Variants in LRRTM4 observed in about 807,000 individuals in gnomAD.
The protein encoded by LRRTM4 is leucine-rich repeat transmembrane neuronal protein 4.
In LRRTM4, 25 loss-of-function variants were observed where a neutral mutation model predicts 47.6. The ratio of observed to expected loss-of-function variants is 0.53; its 90% confidence interval spans 0.38 to 0.73. The LOEUF is 0.73. Ranked by LOEUF, LRRTM4 falls within the 30% of genes least tolerant of loss-of-function variation. The pLI is 0.00. For missense variants in LRRTM4, 638 were observed against 713.4 expected (o/e 0.89, Z 1.20); for synonymous variants, 311 against 269.5 (o/e 1.15, Z -1.51).
chr2:77,244,951 C>G (rs1381320189), intron 3 of LRRTM4, among the ~76,000 whole-genome samples: 1 of 152,102 alleles, frequency 6.6e-6, no homozygotes, highest in African/African-American at 2.4e-5. Context: ...ATGCCCTAGT[C>G]AACACCTTGA....
chr2:76,777,152 G>T lies in LRRTM4; in HGVS notation c.1552-28236C>A, dbSNP rs1389996489. ...TTGGTACCAGTACCATGCTGTTTTGGTTACTGTAGCCTTGCAGTATAGTTT... is the reference window on the plus strand; with the variant it reads ...TTGGTACCAGTACCATGCTGTTTTGTTTACTGTAGCCTTGCAGTATAGTTT... On this transcript the variant is annotated intron_variant, in intron 3 of 3. Coordinates refer to ENST00000409884, the MANE Select transcript of LRRTM4 (RefSeq NM_001134745.3). Among the ~76,000 whole-genome samples the T allele has an allele frequency of 6.7e-5, 10 of 150,300 alleles. 1 individual carries two copies. Among genetic ancestry groups the T allele is most frequent in the Non-Finnish European group, 1.2e-4 (8 of 67,694 alleles).
chr2:76,752,263 CT>C (rs1318470298), intron 3 of LRRTM4, among the ~76,000 whole-genome samples: 2 of 152,052 alleles, frequency 1.3e-5, no homozygotes, highest in South Asian at 2.1e-4. Flanking sequence ...TACTTAAAGC[CT>C]TTTAATTTAA....
intron 3 of LRRTM4, among the ~76,000 whole-genome samples, chr2:77,495,610 G>A (rs11126614): frequency 0.22 from 33,265 of 151,778 alleles, 3,908 homozygotes; most frequent in Middle Eastern, 0.31. Flanking sequence ...TTTGGCATAC[G>A]GATGGCAAAC....
intron 3 of LRRTM4, among the ~76,000 whole-genome samples, chr2:77,011,024 C>T (rs148110698): frequency 6.6e-6 from 1 of 151,872 alleles, no homozygotes; most frequent in Admixed American, 6.6e-5. Context: ...AGGTAATGAC[C>T]AATTTTTGAT....
At chr2:77,195,652 G>A (rs1673799860) in intron 3 of LRRTM4, among the ~76,000 whole-genome samples, 1 of 151,996 alleles carries the variant, frequency 6.6e-6, no homozygotes. Flanking sequence ...ATGAAACCAT[G>A]GCAGTCAAAT....
intron 3 of LRRTM4, among the ~76,000 whole-genome samples, chr2:77,490,055 GC>G (rs1395400290): frequency 6.6e-6 from 1 of 152,134 alleles, no homozygotes; most frequent in Non-Finnish European, 1.5e-5. Context: ...TTTGAGACAA[GC>G]CTGGCCAACA....
At chr2:76,915,615 C>A (rs1044210730) in intron 3 of LRRTM4, among the ~76,000 whole-genome samples, 1 of 152,222 alleles carries the variant, frequency 6.6e-6, no homozygotes, top group Middle Eastern at 3.4e-3. Context: ...TTTACCAAGA[C>A]ACAAAAGAGT....
chr2:77,101,375 CAG>C (rs1275125457), intron 3 of LRRTM4, among the ~76,000 whole-genome samples: 9 of 152,064 alleles, frequency 5.9e-5, no homozygotes, highest in Admixed American at 1.3e-4. Context: ...TTTATCAAAA[CAG>C]AGTGCGTACA....
chr2:77,287,252 T>A (rs1168233768), intron 3 of LRRTM4, among the ~76,000 whole-genome samples: 1 of 152,026 alleles, frequency 6.6e-6, no homozygotes, highest in Non-Finnish European at 1.5e-5. Context: ...CTTGTTCATG[T>A]CACCTTGTGT....
intron 3 of LRRTM4, among the ~76,000 whole-genome samples, chr2:77,388,799 T>C (rs1338143301): frequency 6.6e-6 from 1 of 152,012 alleles, no homozygotes; most frequent in African/African-American, 2.4e-5. Flanking sequence ...GAGAGAGATA[T>C]ATAGATAAAA....
chr2:76,854,751 T>C (rs1672098131), intron 3 of LRRTM4, among the ~76,000 whole-genome samples: 1 of 151,934 alleles, frequency 6.6e-6, no homozygotes, highest in Non-Finnish European at 1.5e-5. Context: ...ATCTACTATA[T>C]GTCAGGAGCT....
intron 3 of LRRTM4, among the ~76,000 whole-genome samples, chr2:76,841,690 A>G (rs1015081886): frequency 6.6e-6 from 1 of 150,988 alleles, no homozygotes; most frequent in Non-Finnish European, 1.5e-5. Flanking sequence ...TTTACTGTGT[A>G]TATATATATA....
intron 3 of LRRTM4, among the ~76,000 whole-genome samples, chr2:77,402,830 T>A (rs371435563): frequency 1.1e-4 from 17 of 152,050 alleles, no homozygotes; most frequent in African/African-American, 3.4e-4. Flanking sequence ...TCAATTTACA[T>A]CCCGAAACTA....
At chr2:76,762,942 T>TG (rs1673310588) in intron 3 of LRRTM4, among the ~76,000 whole-genome samples, 1 of 152,218 alleles carries the variant, frequency 6.6e-6, no homozygotes, top group African/African-American at 2.4e-5. Context: ...ATCCCCTTGA[T>TG]GGGTAGAGTT....
At chr2:76,987,049 GA>G (rs1337424677) in intron 3 of LRRTM4, among the ~76,000 whole-genome samples, 3 of 151,644 alleles carry the variant, frequency 2.0e-5, no homozygotes, top group Non-Finnish European at 4.4e-5. Context: ...TAGAAAGCGT[GA>G]AAAAAATAAA....
intron 3 of LRRTM4, among the ~76,000 whole-genome samples, chr2:76,858,917 A>C (rs1025877438): frequency 6.6e-6 from 1 of 152,174 alleles, no homozygotes; most frequent in Non-Finnish European, 1.5e-5. Context: ...TGGTACATTC[A>C]TCAAGAAAAT....
At chr2:77,169,857 G>A (rs12617818) in intron 3 of LRRTM4, among the ~76,000 whole-genome samples, 97,432 of 151,956 alleles carry the variant, frequency 0.64, 31,225 homozygotes, top group South Asian at 0.68. Flanking sequence ...GTTTCTTTCA[G>A]CATTTTAATC....
At chr2:76,933,777 T>A (rs1342084782) in intron 3 of LRRTM4, among the ~76,000 whole-genome samples, 1 of 152,078 alleles carries the variant, frequency 6.6e-6, no homozygotes, top group Non-Finnish European at 1.5e-5. Flanking sequence ...AGAATTAGTA[T>A]CAGAATCAAT....
At chr2:77,137,303 G>A (rs1671973719) in intron 3 of LRRTM4, among the ~76,000 whole-genome samples, 1 of 151,894 alleles carries the variant, frequency 6.6e-6, no homozygotes, top group African/African-American at 2.4e-5. Flanking sequence ...AAGCCAGAAA[G>A]AGTGGGGGCC....
Sources: allele counts gnomAD v4.1 joint callset (sites outside exome capture counted in the v4.1 genomes callset), GRCh38; gene constraint gnomAD v4.1.1; transcripts MANE v1.5; gene names NCBI Gene and HGNC (gene_info 2026-07-23, HGNC 2026-07-21).